RNF213: variants seen among roughly 807,000 people sequenced by gnomAD.
RNF213 encodes E3 ubiquitin-protein ligase RNF213.
RNF213 carries 341 observed loss-of-function variants against 514.4 expected under a neutral mutation model. That is an observed-to-expected ratio of 0.66 (90% CI 0.61 to 0.73). The LOEUF is 0.73. Among genes scored for constraint, RNF213 ranks in the 30% least tolerant of loss-of-function variants. The pLI is 0.00. For synonymous variants in RNF213, 2,655 were observed against 2,658.2 expected (o/e 1.00, Z 0.04); for missense variants, 5,767 against 6,615.6 (o/e 0.87, Z 4.45).
At chr17:80,273,613 CTTTTTTTTTTTT>C (rs56957242) in intron 3 of RNF213, among the ~76,000 whole-genome samples, 6 of 97,588 alleles carry the variant, frequency 6.1e-5, no homozygotes, top group African/African-American at 2.0e-4. Context: ...CCTCCACCGT[CTTTTTTTTTTTT>C]TTTTTTTTTT....
chr17:80,350,997 G>A (rs116453346), intron 31 of RNF213, among the ~76,000 whole-genome samples: 1 of 152,178 alleles, frequency 6.6e-6, no homozygotes, highest in Non-Finnish European at 1.5e-5. Flanking sequence ...TATTTTTATA[G>A]TGTTTGTAGG....
chr17:80,324,329 G>A (rs533489372), intron 17 of RNF213, among the ~76,000 whole-genome samples: 1 of 152,192 alleles, frequency 6.6e-6, no homozygotes, highest in South Asian at 2.1e-4. Flanking sequence ...TTTGTCAAAT[G>A]CTTTTCCCGT....
At chr17:80,390,320 T>C in intron 67 of RNF213, 124 bp downstream of exon 67, 2 of 1,138,084 alleles carry the variant, frequency 1.8e-6, no homozygotes, top group Non-Finnish European at 2.6e-6. Context: ...CTTTTTGTCA[T>C]TACCAGGGCA....
Position 80,347,968 on chromosome 17 carries a change from A to C in RNF213, c.9633A>C (p.Lys3211Asn). Residue 3211 changes from lysine to asparagine, a missense_variant, in exon 29 of 68, where the codon AAA becomes AAC. Lys to Asn is a moderately conservative substitution (Grantham distance 94, BLOSUM62 0). This residue lies in a region of RNF213 where 919 missense variants were observed against 1,121.0 expected (regional missense o/e 0.82). Transcript: ENST00000582970. The surrounding 1 kb of genome is among the most constrained non-coding windows in gnomAD (Gnocchi z 7.2). ...CACATCATTTCCAGAAGAGGCACAA[A>C]TACAGCCCCTCTGACGTCTTCATCG... ...VKAHHFQKRH[K>N]YSPSDVFIGY... The C allele has an allele frequency of 6.2e-7, 1 of 1,614,058 alleles. No homozygotes were observed. Among genetic ancestry groups the C allele is most frequent in the Non-Finnish European group, 8.5e-7 (1 of 1,179,898 alleles).
rs535507380 is a variant in RNF213 at position 80,347,983 on chromosome 17, C to T, written c.9648C>T (p.Asp3216=). The change falls in exon 29 of 68, where the codon GAC becomes GAT. Residue 3216 remains aspartate, a synonymous_variant. Coordinates refer to ENST00000582970, the MANE Select transcript of RNF213 (RefSeq NM_001256071.3). This position sits in a 1 kb window ranked among gnomAD's most constrained non-coding sequence, Gnocchi z 7.2. Reference sequence around the variant, plus strand: ...AGAGGCACAAATACAGCCCCTCTGACGTCTTCATCGGCTACCACTCGGACG... The same window carrying T: ...AGAGGCACAAATACAGCCCCTCTGATGTCTTCATCGGCTACCACTCGGACG... ...FQKRHKYSPS[D]VFIGYHSDAC... 34 of 1,614,174 alleles carry T rather than the reference C, an allele frequency of 2.1e-5. No individual in the cohort carries two copies. The highest frequency in any genetic ancestry group is 1.6e-4 in the East Asian group (7 of 44,878).
chr17:80,373,229 ACACACCCCCCTACCCT>A, intron 49 of RNF213, 64 bp downstream of exon 49: 1 of 1,330,472 alleles, frequency 7.5e-7, no homozygotes, highest in Non-Finnish European at 1.0e-6. Flanking sequence ...CCCCAAACCC[ACACACCCCCCTACCCT>A]CACACCCTAC....
At chr17:80,266,250 TA>T (rs2043607566) in intron 2 of RNF213, among the ~76,000 whole-genome samples, 1 of 140,626 alleles carries the variant, frequency 7.1e-6, no homozygotes. Flanking sequence ...GAGAGCAGCC[TA>T]AGCAACATGG....
At chr17:80,359,263 T>A (rs2078950645) in intron 37 of RNF213, among the ~76,000 whole-genome samples, 1 of 152,096 alleles carries the variant, frequency 6.6e-6, no homozygotes, top group African/African-American at 2.4e-5. Flanking sequence ...CGGTGGCTCA[T>A]GCCTATAACC....
At chr17:80,291,898 G>A (rs201421120) in intron 8 of RNF213, 71 bp downstream of exon 8, 18 of 1,531,782 alleles carry the variant, frequency 1.2e-5, no homozygotes, top group Admixed American at 8.7e-5. Flanking sequence ...TACTGGACGC[G>A]TCTCTCTGGA....
At chr17:80,278,969 C>T (rs2044164620) in intron 3 of RNF213, 3 of 1,528,436 alleles carry the variant, frequency 2.0e-6, no homozygotes, top group East Asian at 4.9e-5. Flanking sequence ...GCTGGCACAG[C>T]CTGGCACGGC....
chr17:80,371,078 A>G (rs936293337), intron 46 of RNF213, among the ~76,000 whole-genome samples: 3 of 152,220 alleles, frequency 2.0e-5, no homozygotes, highest in Admixed American at 6.5e-5. Flanking sequence ...CAGTGAACCA[A>G]TATTTTCCAA....
At chr17:80,368,167 A>G in intron 44 of RNF213, 24 bp downstream of exon 44, 1 of 1,612,382 alleles carries the variant, frequency 6.2e-7, no homozygotes, top group Non-Finnish European at 8.5e-7. Context: ...TCTCTCAAGA[A>G]AGCATCCTTT....
intron 59 of RNF213, among the ~76,000 whole-genome samples, chr17:80,384,178 G>A (rs1419668774): frequency 6.6e-6 from 1 of 152,218 alleles, no homozygotes. Flanking sequence ...CTGTGGGGAA[G>A]CTGGAGGCCA....
chr17:80,381,808 CCA>C, intron 57 of RNF213, 81 bp downstream of exon 57: 2 of 1,249,470 alleles, frequency 1.6e-6, no homozygotes, highest in African/African-American at 1.5e-5. Flanking sequence ...GTGGGCCACC[CCA>C]CACACAGCCA....
intron 46 of RNF213, among the ~76,000 whole-genome samples, chr17:80,371,407 G>C (rs1273646299): frequency 6.6e-6 from 1 of 152,276 alleles, no homozygotes; most frequent in Non-Finnish European, 1.5e-5. Flanking sequence ...TGACTTCCAG[G>C]AGCCAGGCCC....
chr17:80,369,478 G>A (rs778355838), intron 44 of RNF213, 24 bp from the exon 45 acceptor site: 1 of 1,610,608 alleles, frequency 6.2e-7, no homozygotes, highest in Non-Finnish European at 8.5e-7. Flanking sequence ...CCATCCACCT[G>A]TCTTCTGTTT....
Position 80,288,604 on chromosome 17 carries a change from C to T in RNF213, c.811-29C>T. The T allele has an allele frequency of 6.2e-7, 1 of 1,614,122 alleles. No individual in the cohort carries two copies. Among genetic ancestry groups the T allele is most frequent in the East Asian group, 2.2e-5 (1 of 44,882 alleles). On this transcript the variant is annotated intron_variant, in intron 4 of 67. Coordinates refer to ENST00000582970, the MANE Select transcript of RNF213 (RefSeq NM_001256071.3). The surrounding 1 kb of genome is among the most constrained non-coding windows in gnomAD (Gnocchi z 4.9). The stretch of plus-strand genomic sequence containing the variant: ...GGAGTCACCCTGGCCCATTTTGTCA[C>T]CTTGGCTCTGGTGTTTGGGGTCTTT...
At position 80,369,970 on chromosome 17, in the gene RNF213, T is replaced by TGACTAGTA. The variant is rs1353342272; in HGVS notation, c.12425+105_12425+106insCTAGTAGA. 9 of 837,380 alleles carry TGACTAGTA rather than the reference T, an allele frequency of 1.1e-5. No homozygotes were observed. In the South Asian group the frequency reaches 1.2e-4, roughly 11 times the overall value. The allele number at this position is 837,380 out of a possible 1,614,324, so 51.9% of individuals were successfully genotyped here. A position where few individuals can be genotyped will look rare whatever the true frequency, so the allele number is the denominator to read the frequency against. ...CTTGTCGTGACTAGTAGCTAGTACA[T>TGACTAGTA]GATCTTGGGGAGCTTTTTCGGTGAG... is the stretch of plus-strand genomic sequence containing the variant. On this transcript the variant is annotated intron_variant, in intron 46 of 67. Transcript: ENST00000582970.
At chr17:80,356,297 C>T (rs1293954189) in intron 36 of RNF213, among the ~76,000 whole-genome samples, 3 of 152,352 alleles carry the variant, frequency 2.0e-5, no homozygotes, top group East Asian at 1.9e-4. Flanking sequence ...CCAGTGTGCC[C>T]GGCCTGTTGA....
Sources: allele counts gnomAD v4.1 joint callset (sites outside exome capture counted in the v4.1 genomes callset), GRCh38; gene constraint gnomAD v4.1.1; regional missense constraint gnomAD v4.1.1; non-coding constraint Gnocchi (gnomAD v3.1); transcripts MANE v1.5; gene names NCBI Gene and HGNC (gene_info 2026-07-23, HGNC 2026-07-21).